Variants in ACSM4 observed in about 807,000 individuals in gnomAD.
The protein encoded by ACSM4 is acyl-coenzyme A synthetase ACSM4, mitochondrial.
Under a neutral mutation model 73.0 loss-of-function variants are expected in ACSM4, and 66 were observed. The observed-to-expected ratio is 0.90, with a 90% confidence interval of 0.74 to 1.11. The LOEUF is 1.11. Ranked by LOEUF, ACSM4 falls within the 50% of genes least tolerant of loss-of-function variation. The pLI, the probability that ACSM4 is intolerant of heterozygous loss-of-function variation, is 0.00. For missense variants in ACSM4, 645 were observed against 714.4 expected (o/e 0.90, Z 1.11); for synonymous variants, 222 against 254.0 (o/e 0.87, Z 1.20).
chr12:7,304,804 C>A (rs1304016277), intron 1 of ACSM4, among the ~76,000 whole-genome samples: 1 of 152,172 alleles, frequency 6.6e-6, no homozygotes, highest in South Asian at 2.1e-4. Flanking sequence ...TTTCTCCAAG[C>A]CCCATGCAAC....
intron 2 of ACSM4, 90 bp downstream of exon 2, chr12:7,306,833 A>T: frequency 2.2e-5 from 20 of 889,956 alleles, no homozygotes; most frequent in Non-Finnish European, 3.0e-5. Context: ...GATTAAAAGT[A>T]TGCATACAGA....
chr12:7,305,154 CT>C (rs1292457367), intron 1 of ACSM4, among the ~76,000 whole-genome samples: 1 of 152,148 alleles, frequency 6.6e-6, no homozygotes, highest in Non-Finnish European at 1.5e-5. Context: ...GGGGGAAAGC[CT>C]TCCTTGAAAG....
intron 6 of ACSM4, 56 bp from the exon 7 acceptor site, chr12:7,322,362 G>T: frequency 1.2e-6 from 2 of 1,608,740 alleles, no homozygotes; most frequent in South Asian, 2.2e-5. Flanking sequence ...TAATTGTCTT[G>T]CAGTGAAAGC....
At chr12:7,315,229 C>T (rs1366316543) in intron 3 of ACSM4, among the ~76,000 whole-genome samples, 1 of 151,712 alleles carries the variant, frequency 6.6e-6, no homozygotes, top group African/African-American at 2.4e-5. Flanking sequence ...CTGTTTTTAC[C>T]ATTTCAATGA....
In ACSM4 at chr12:7,317,919, T is replaced by C. The variant is rs888512157; in HGVS notation, c.765-107T>C. ...TGCCTGGGGCTTCTTTTGACCCTTC[T>C]CTGTAGCCCTTAAGATATAGGGGCA... On this transcript the variant is annotated intron_variant, in intron 4 of 12. Transcript: ENST00000399422. 5 of 1,223,630 alleles carry C rather than the reference T, an allele frequency of 4.1e-6. No individual in the cohort carries two copies. In the African/African-American group the frequency reaches 7.7e-5, roughly 19 times the overall value. 75.8% of individuals were successfully genotyped at this position (1,223,630 alleles called of 1,614,324 possible). A position where few individuals can be genotyped will look rare whatever the true frequency, so the allele number is the denominator to read the frequency against.
intron 2 of ACSM4, 106 bp from the exon 3 acceptor site, chr12:7,310,433 T>C (rs1317631772): frequency 9.2e-7 from 1 of 1,089,464 alleles, no homozygotes; most frequent in East Asian, 2.6e-5. Flanking sequence ...GTAGCTGAGG[T>C]AGCTGAAGAA....
At chr12:7,314,549 G>C (rs756518981) in intron 3 of ACSM4, among the ~76,000 whole-genome samples, 2 of 152,082 alleles carry the variant, frequency 1.3e-5, no homozygotes, top group Non-Finnish European at 2.9e-5. Flanking sequence ...TAGGTAGGTA[G>C]ATAGGTAGAT....
At position 7,324,292 on chromosome 12, in the gene ACSM4, C is replaced by T. The variant is rs1472518782; in HGVS notation, c.1328C>T (p.Ala443Val). The T allele has an allele frequency of 1.2e-6, 2 of 1,612,988 alleles. No homozygotes were observed. The change falls in exon 10 of 13, where the codon GCT (alanine) becomes GTT (valine). Residue 443 changes from alanine (A) to valine (V), a missense_variant. Ala to Val is a moderately conservative substitution (Grantham distance 64). Transcript: ENST00000399422. Reference sequence around the variant, plus strand: ...TCCCAGGACAATCCACAGAAAACTGCTGCCACGATAAGAGGAGATTTTTAT... The same window carrying T: ...TCCCAGGACAATCCACAGAAAACTGTTGCCACGATAAGAGGAGATTTTTAT... The part of the protein sequence containing the change: ...SKYVDNPQKT[A>V]ATIRGDFYVT...
chr12:7,318,629 C>T (rs1946438726), intron 5 of ACSM4: 1 of 153,126 alleles, frequency 6.5e-6, no homozygotes, highest in African/African-American at 2.4e-5. Context: ...CTATACTTCT[C>T]ACTTTGTTAA....
chr12:7,320,519 T>C (rs951180684), intron 5 of ACSM4, among the ~76,000 whole-genome samples: 15 of 152,246 alleles, frequency 9.9e-5, no homozygotes, highest in African/African-American at 3.6e-4. Context: ...GTAATATTAA[T>C]ATATATACAT....
chr12:7,304,129 G>A lies in ACSM4; in HGVS notation c.-203G>A, dbSNP rs1315220299. ...AAGAGGAAGGGTCCAGTGGCAGGGA[G>A]ACCAGTCAGTGGCTAAGGCAGCAGC... On this transcript the variant is annotated 5_prime_UTR_variant, in exon 1 of 13. Coordinates refer to ENST00000399422, the MANE Select transcript of ACSM4 (RefSeq NM_001080454.2). Among the ~76,000 whole-genome samples the A allele has an allele frequency of 6.6e-6, 1 of 152,140 alleles. No individual in the cohort carries two copies. Among genetic ancestry groups the A allele is most frequent in the East Asian group, 1.9e-4 (1 of 5,198 alleles).
Position 7,322,416 on chromosome 12 carries a change from A to T in ACSM4, c.1002-2A>T. On this transcript the variant is annotated splice_acceptor_variant, in intron 6 of 12. Transcript: ENST00000399422. LOFTEE classifies it high-confidence loss of function. ...AAGACCCATGCAACTCTGTCTCTCCAGATATAAATTCAAGAGTCTGCGGCA... is the reference window on the plus strand; with the variant it reads ...AAGACCCATGCAACTCTGTCTCTCCTGATATAAATTCAAGAGTCTGCGGCA... 5 of 1,613,640 alleles carry T rather than the reference A, an allele frequency of 3.1e-6. No individual in the cohort carries two copies. Among genetic ancestry groups the T allele is most frequent in the Non-Finnish European group, 4.2e-6 (5 of 1,179,796 alleles).
intron 5 of ACSM4, 164 bp downstream of exon 5, chr12:7,318,346 A>C: frequency 1.2e-6 from 1 of 815,556 alleles, no homozygotes; most frequent in Non-Finnish European, 1.8e-6. Context: ...AACGTATTTG[A>C]CAGAATGGAG....
chr12:7,320,940 A>G (rs1383342843), intron 6 of ACSM4, 136 bp downstream of exon 6: 5 of 799,138 alleles, frequency 6.3e-6, no homozygotes, highest in African/African-American at 1.7e-5. Flanking sequence ...GAATAATTCT[A>G]TCGTCGGAGG....
chr12:7,307,010 T>C (rs1327155893), intron 2 of ACSM4, among the ~76,000 whole-genome samples: 1 of 152,054 alleles, frequency 6.6e-6, no homozygotes, highest in African/African-American at 2.4e-5. Flanking sequence ...AGCCCAGTAC[T>C]TTGGGAGAAC....
chr12:7,321,598 G>A (rs970223476), intron 6 of ACSM4, among the ~76,000 whole-genome samples: 1 of 152,162 alleles, frequency 6.6e-6, no homozygotes, highest in African/African-American at 2.4e-5. Context: ...GTAATTCAGG[G>A]ACTATTCAAT....
At chr12:7,314,751 C>T (rs890529743) in intron 3 of ACSM4, among the ~76,000 whole-genome samples, 1 of 152,096 alleles carries the variant, frequency 6.6e-6, no homozygotes, top group Admixed American at 6.5e-5. Context: ...AAGAAATACC[C>T]CTCTGTAGCC....
At chr12:7,315,037 A>C (rs751377838) in intron 3 of ACSM4, among the ~76,000 whole-genome samples, 26 of 152,122 alleles carry the variant, frequency 1.7e-4, no homozygotes, top group South Asian at 1.7e-3. Flanking sequence ...CTCTACTAAA[A>C]ATACAAAAAT....
intron 2 of ACSM4, among the ~76,000 whole-genome samples, chr12:7,308,938 T>C (rs1263957655): frequency 2.0e-5 from 3 of 152,214 alleles, no homozygotes; most frequent in Admixed American, 1.3e-4. Context: ...TTGCCACTTA[T>C]TGACTTTGTG....
Sources: allele counts gnomAD v4.1 joint callset (sites outside exome capture counted in the v4.1 genomes callset), GRCh38; gene constraint gnomAD v4.1.1; transcripts MANE v1.5; gene names NCBI Gene and HGNC (gene_info 2026-07-23, HGNC 2026-07-21).